LARGE1: variants seen among roughly 807,000 people sequenced by gnomAD.
The protein encoded by LARGE1 is xylosyl- and glucuronyltransferase LARGE1.
Under a neutral mutation model 87.6 loss-of-function variants are expected in LARGE1, and 43 were observed. That is an observed-to-expected ratio of 0.49 (90% confidence interval 0.38 to 0.63). The LOEUF is 0.63. Ranked by LOEUF, LARGE1 falls within the 30% of genes least tolerant of loss-of-function variation. LARGE1 has a pLI of 0.00. For synonymous variants in LARGE1, 434 were observed against 394.6 expected (o/e 1.10, Z -1.18); for missense variants, 802 against 1,000.2 (o/e 0.80, Z 2.67).
At chr22:33,637,516 C>G (rs528816521) in intron 3 of LARGE1, among the ~76,000 whole-genome samples, 1 of 152,206 alleles carries the variant, frequency 6.6e-6, no homozygotes, top group Non-Finnish European at 1.5e-5. Flanking sequence ...TGTGTCAGAG[C>G]CGGGCTGTAT....
intron 11 of LARGE1, among the ~76,000 whole-genome samples, chr22:33,183,937 A>G (rs756114198): frequency 2.0e-5 from 3 of 151,952 alleles, no homozygotes; most frequent in Non-Finnish European, 4.4e-5. Flanking sequence ...AATGCACAGA[A>G]TGGTGACTAT....
chr22:33,693,224 A>G (rs1459911106), intron 2 of LARGE1, among the ~76,000 whole-genome samples: 1 of 152,214 alleles, frequency 6.6e-6, no homozygotes, highest in African/African-American at 2.4e-5. Context: ...AGAGCAGTAC[A>G]GTGGACACTG....
chr22:33,589,630 A>C (rs1301639595), intron 5 of LARGE1, among the ~76,000 whole-genome samples: 1 of 152,148 alleles, frequency 6.6e-6, no homozygotes, highest in Non-Finnish European at 1.5e-5. Context: ...ACCATTGTTC[A>C]TATTTCAATT....
chr22:33,424,237 G>A (rs1251533727), intron 7 of LARGE1, among the ~76,000 whole-genome samples: 1 of 152,226 alleles, frequency 6.6e-6, no homozygotes, highest in Non-Finnish European at 1.5e-5. Context: ...GTGAGCGGAA[G>A]TTTACAGGTG....
chr22:33,601,832 T>A (rs2079121438), intron 5 of LARGE1, among the ~76,000 whole-genome samples: 1 of 152,174 alleles, frequency 6.6e-6, no homozygotes, highest in Admixed American at 6.5e-5. Flanking sequence ...AAGTATTTAT[T>A]TCGGATGTAT....
chr22:33,185,406 G>A (rs1923421433), intron 11 of LARGE1, among the ~76,000 whole-genome samples: 1 of 152,174 alleles, frequency 6.6e-6, no homozygotes, highest in African/African-American at 2.4e-5. Context: ...AAGGTGATAA[G>A]AGGGATGAAT....
intron 3 of LARGE1, among the ~76,000 whole-genome samples, chr22:33,641,794 C>T (rs1033306314): frequency 1.3e-5 from 2 of 151,744 alleles, no homozygotes; most frequent in Non-Finnish European, 2.9e-5. Flanking sequence ...GATTGAAGAT[C>T]AACTTAATGA....
chr22:33,311,926 C>A (rs1214435853), intron 11 of LARGE1, among the ~76,000 whole-genome samples: 1 of 152,222 alleles, frequency 6.6e-6, no homozygotes, highest in East Asian at 1.9e-4. Flanking sequence ...GCCCAGAACA[C>A]CAGCTGAGGA....
At chr22:33,490,862 T>C (rs2267218) in intron 6 of LARGE1, among the ~76,000 whole-genome samples, 23,839 of 152,106 alleles carry the variant, frequency 0.16, 2,315 homozygotes, top group East Asian at 0.29. Context: ...ACTTCTTGAG[T>C]TTTCTCTGTT....
chr22:33,413,161 T>C (rs2066370451), intron 7 of LARGE1, among the ~76,000 whole-genome samples: 1 of 152,156 alleles, frequency 6.6e-6, no homozygotes, highest in Admixed American at 6.5e-5. Context: ...AAAAATCCTA[T>C]CCTTTGGCAG....
chr22:33,759,277 C>T (rs1219251243), intron 2 of LARGE1, among the ~76,000 whole-genome samples: 2 of 152,192 alleles, frequency 1.3e-5, no homozygotes, highest in Non-Finnish European at 2.9e-5. Context: ...AATCAAAATT[C>T]TACAACTTTC....
chr22:33,188,667 G>A (rs1266708502), intron 11 of LARGE1, among the ~76,000 whole-genome samples: 1 of 152,186 alleles, frequency 6.6e-6, no homozygotes, highest in Non-Finnish European at 1.5e-5. Flanking sequence ...AGGGAACCAG[G>A]CACTGAATCA....
intron 6 of LARGE1, among the ~76,000 whole-genome samples, chr22:33,455,611 G>A (rs536718639): frequency 4.6e-5 from 7 of 151,886 alleles, no homozygotes; most frequent in South Asian, 2.1e-4. Flanking sequence ...AAAATTAGCC[G>A]GGCATGGTGG....
At position 33,466,693 on chromosome 22, in the gene LARGE1, T is replaced by TACACACACACACACACAC. The variant is rs536654371; in HGVS notation, c.788-34446_788-34429dup. ...GCCTCATTCACCCCCTCTCTCTCTC[T>TACACACACACACACACAC]ACACACACACACACACACACATACA... On this transcript the variant is annotated intron_variant, in intron 6 of 14. Coordinates refer to ENST00000397394, the MANE Select transcript of LARGE1 (RefSeq NM_133642.5). Among the ~76,000 whole-genome samples, 1,011 of 145,306 alleles carry TACACACACACACACACAC rather than the reference T, an allele frequency of 7.0e-3. 12 individuals are homozygous for TACACACACACACACACAC. Among genetic ancestry groups the TACACACACACACACACAC allele is most frequent in the East Asian group, 0.024 (117 of 4,892 alleles).
intron 1 of LARGE1, among the ~76,000 whole-genome samples, chr22:33,787,342 C>T (rs915066418): frequency 5.3e-5 from 8 of 152,158 alleles, no homozygotes; most frequent in African/African-American, 7.2e-5. Flanking sequence ...GTGCACTGAT[C>T]AGGACATTTT....
chr22:33,452,799 C>T (rs1170157661), intron 6 of LARGE1, among the ~76,000 whole-genome samples: 1 of 152,222 alleles, frequency 6.6e-6, no homozygotes, highest in East Asian at 1.9e-4. Context: ...ACAGCTGAGG[C>T]ATTTCCATCC....
At chr22:33,793,920 T>C (rs891581949) in intron 1 of LARGE1, among the ~76,000 whole-genome samples, 4 of 152,196 alleles carry the variant, frequency 2.6e-5, no homozygotes, top group African/African-American at 9.6e-5. Context: ...AAAGAAGGAA[T>C]TGATAACCAT....
intron 3 of LARGE1, among the ~76,000 whole-genome samples, chr22:33,627,917 C>T (rs944762667): frequency 4.6e-5 from 7 of 152,204 alleles, no homozygotes; most frequent in Non-Finnish European, 8.8e-5. Flanking sequence ...TCCTCTTCCT[C>T]TATGGAGGGT....
intron 2 of LARGE1, among the ~76,000 whole-genome samples, chr22:33,691,172 G>C (rs2082087855): frequency 6.6e-6 from 1 of 152,086 alleles, no homozygotes; most frequent in African/African-American, 2.4e-5. Flanking sequence ...AATGGCTCTG[G>C]GCAACTGTTT....
Sources: allele counts gnomAD v4.1 joint callset (sites outside exome capture counted in the v4.1 genomes callset), GRCh38; gene constraint gnomAD v4.1.1; transcripts MANE v1.5; gene names NCBI Gene and HGNC (gene_info 2026-07-23, HGNC 2026-07-21).